The following MRPL48 variants were observed in gnomAD, a reference collection of about 807,000 sequenced individuals.
MRPL48 encodes the protein large ribosomal subunit protein mL48.
In MRPL48, 16 loss-of-function variants were observed where a neutral mutation model predicts 32.9. The ratio of observed to expected loss-of-function variants is 0.49; its 90% CI spans 0.33 to 0.74. The LOEUF (loss-of-function observed/expected upper bound fraction) is 0.74. Among genes scored for constraint, MRPL48 ranks in the 30% least tolerant of loss-of-function variants. MRPL48 has a pLI of 0.02. For synonymous variants in MRPL48, 94 were observed against 89.2 expected, an observed-to-expected ratio of 1.05 and a Z score of -0.31; for missense variants, 206 against 245.3, an observed-to-expected ratio of 0.84 and a Z score of 1.07.
intron 3 of MRPL48, among the ~76,000 whole-genome samples, chr11:73,813,509 G>A (rs977676698): frequency 3.3e-5 from 5 of 151,732 alleles, no homozygotes; most frequent in Non-Finnish European, 5.9e-5. Context: ...CTATTGGATT[G>A]TTTACTTTTT....
Position 73,846,614 on chromosome 11 carries a change from C to T in MRPL48, c.371+1638C>T, listed in dbSNP as rs146130212. Among the ~76,000 whole-genome samples, 1,483 of 152,176 alleles carry T rather than the reference C, an allele frequency of 9.7e-3. 24 individuals are homozygous for T. Among genetic ancestry groups the T allele is most frequent in the African/African-American group, 0.034 (1,397 of 41,520 alleles). On this transcript the variant is annotated intron_variant, in intron 5 of 7. Coordinates refer to ENST00000310614, the MANE Select transcript of MRPL48 (RefSeq NM_016055.6). ...ACCTCAAGTGATCACCTGCCTCAGC[C>T]TCCCAAAGTGCTGGGATTACAGGAG...
intron 1 of MRPL48, among the ~76,000 whole-genome samples, chr11:73,792,182 A>C (rs527584746): frequency 6.6e-6 from 1 of 152,334 alleles, no homozygotes; most frequent in South Asian, 2.1e-4. Context: ...ATTCATGCTG[A>C]TATTTATCAG....
intron 1 of MRPL48, among the ~76,000 whole-genome samples, chr11:73,804,560 G>A (rs1428516812): frequency 3.3e-5 from 5 of 152,108 alleles, no homozygotes; most frequent in South Asian, 2.1e-4. Context: ...ATGAGCCACC[G>A]CACCTGGCCA....
chr11:73,788,133 A>G (rs965816538), intron 1 of MRPL48, 141 bp downstream of exon 1: 160 of 1,278,948 alleles, frequency 1.3e-4, no homozygotes, highest in Non-Finnish European at 1.6e-4. Context: ...GGTCCTTCCC[A>G]GCAGCACATG....
intron 1 of MRPL48, among the ~76,000 whole-genome samples, chr11:73,795,972 A>G (rs1049350320): frequency 6.6e-6 from 1 of 152,144 alleles, no homozygotes; most frequent in Non-Finnish European, 1.5e-5. Context: ...AGCACCCACT[A>G]ATCATCTTTC....
chr11:73,805,223 TCA>T, intron 2 of MRPL48, 144 bp downstream of exon 2: 1 of 631,346 alleles, frequency 1.6e-6, no homozygotes, highest in South Asian at 2.4e-5. Context: ...TTCCCCATTC[TCA>T]GTTAATAGCA....
intron 4 of MRPL48, among the ~76,000 whole-genome samples, chr11:73,826,643 TA>T (rs1947896761): frequency 6.6e-6 from 1 of 152,094 alleles, no homozygotes; most frequent in East Asian, 1.9e-4. Flanking sequence ...CACACCTGGC[TA>T]ATTTCTGTAT....
intron 3 of MRPL48, among the ~76,000 whole-genome samples, chr11:73,821,218 C>G (rs1026579892): frequency 6.6e-6 from 1 of 151,948 alleles, no homozygotes; most frequent in Non-Finnish European, 1.5e-5. Flanking sequence ...TGGTCTTAAA[C>G]TCCTGGCCTC....
chr11:73,845,184 C>A, intron 5 of MRPL48: 1 of 420,404 alleles, frequency 2.4e-6, no homozygotes. Context: ...CCCTCTTCCC[C>A]ACTCAAGTCC....
chr11:73,847,726 G>A (rs1469994709), intron 5 of MRPL48, among the ~76,000 whole-genome samples: 2 of 152,020 alleles, frequency 1.3e-5, no homozygotes, highest in African/African-American at 4.8e-5. Flanking sequence ...TTACAGGTGT[G>A]AGCCACCGGG....
intron 4 of MRPL48, among the ~76,000 whole-genome samples, chr11:73,839,595 C>T (rs1948156685): frequency 6.6e-6 from 1 of 152,098 alleles, no homozygotes; most frequent in Non-Finnish European, 1.5e-5. Context: ...AAAAATGACT[C>T]TTGACCCTAT....
intron 4 of MRPL48, among the ~76,000 whole-genome samples, chr11:73,826,655 T>C (rs1226943971): frequency 6.6e-6 from 1 of 152,106 alleles, no homozygotes; most frequent in Non-Finnish European, 1.5e-5. Context: ...ATTTCTGTAT[T>C]TCTAGTAGAG....
At chr11:73,826,774 CTTTTTTT>C (rs71065041) in intron 4 of MRPL48, among the ~76,000 whole-genome samples, 4 of 108,928 alleles carry the variant, frequency 3.7e-5, no homozygotes, top group Non-Finnish European at 3.8e-5. Context: ...ACTGTATTTT[CTTTTTTT>C]TTTTTTTTTT....
intron 3 of MRPL48, among the ~76,000 whole-genome samples, chr11:73,816,536 GC>G (rs1947678293): frequency 1.3e-5 from 2 of 151,480 alleles, no homozygotes; most frequent in Middle Eastern, 3.5e-3. Context: ...CACGATCTTG[GC>G]CCACTGCAAC....
In MRPL48 at chr11:73,810,711, C is replaced by T. The variant is rs142850874; in HGVS notation, c.112+2361C>T. ...TCCTAATGTTATCTCTCCACTAGCCCCCCACCCCCCGAGAGGCCCTGGTAT... is the reference window on the plus strand; with the variant it reads ...TCCTAATGTTATCTCTCCACTAGCCTCCCACCCCCCGAGAGGCCCTGGTAT... On this transcript the variant is annotated intron_variant, in intron 3 of 7. Coordinates refer to ENST00000310614, the MANE Select transcript of MRPL48 (RefSeq NM_016055.6). Among the ~76,000 whole-genome samples, 354 of 151,680 alleles carry T rather than the reference C, an allele frequency of 2.3e-3. 2 individuals carry two copies. Among genetic ancestry groups the T allele is most frequent in the African/African-American group, 8.1e-3 (333 of 41,336 alleles).
At chr11:73,801,493 A>T (rs1048862261) in intron 1 of MRPL48, among the ~76,000 whole-genome samples, 1 of 152,172 alleles carries the variant, frequency 6.6e-6, no homozygotes, top group Admixed American at 6.5e-5. Flanking sequence ...TACCTGATTC[A>T]ATTGTGCTTC....
intron 5 of MRPL48, among the ~76,000 whole-genome samples, chr11:73,848,468 A>G (rs942543734): frequency 7.0e-6 from 1 of 143,284 alleles, no homozygotes. Flanking sequence ...TGTTGATTCT[A>G]CAGAAAAGAG....
At chr11:73,852,393 CAAAAA>C (rs10554131) in intron 5 of MRPL48, among the ~76,000 whole-genome samples, 3 of 83,348 alleles carry the variant, frequency 3.6e-5, no homozygotes, top group South Asian at 8.3e-4. Flanking sequence ...AACTCTATAG[CAAAAA>C]AAAAAAAAAA....
chr11:73,850,450 AT>A (rs1235795184), intron 5 of MRPL48: 5 of 312,726 alleles, frequency 1.6e-5, no homozygotes, highest in South Asian at 5.7e-5. Context: ...TAAAAAAAAA[AT>A]CTCTCTTTCT....
Sources: allele counts gnomAD v4.1 joint callset (sites outside exome capture counted in the v4.1 genomes callset), GRCh38; gene constraint gnomAD v4.1.1; transcripts MANE v1.5; gene names NCBI Gene and HGNC (gene_info 2026-07-23, HGNC 2026-07-21).